SETD3: variants seen among roughly 807,000 people sequenced by gnomAD.
SETD3 encodes the protein SET domain containing 3, actin N3(tau)-histidine methyltransferase.
A neutral mutation model predicts 63.0 loss-of-function variants in SETD3; 19 were observed. The observed-to-expected ratio is 0.30, with a 90% CI of 0.21 to 0.44. The LOEUF (loss-of-function observed/expected upper bound fraction) is 0.44. Ranked by LOEUF, SETD3 falls within the 20% of genes least tolerant of loss-of-function variation. The pLI is 1.00. For missense variants in SETD3, 587 were observed against 728.5 expected, an observed-to-expected ratio of 0.81 and a Z score of 2.24; for synonymous variants, 286 against 264.1, an observed-to-expected ratio of 1.08 and a Z score of -0.80.
intron 6 of SETD3, among the ~76,000 whole-genome samples, chr14:99,439,218 G>A (rs1381120731): frequency 6.6e-6 from 1 of 152,216 alleles, no homozygotes; most frequent in Non-Finnish European, 1.5e-5. Context: ...CTCCAGGGCT[G>A]TGCCCTCTGA....
At chr14:99,414,175 G>A (rs1178512078) in intron 6 of SETD3, among the ~76,000 whole-genome samples, 1 of 152,218 alleles carries the variant, frequency 6.6e-6, no homozygotes, top group Admixed American at 6.5e-5. Context: ...TTCGATACTA[G>A]CACCCACAGA....
intron 1 of SETD3, among the ~76,000 whole-genome samples, chr14:99,467,130 C>T (rs1895430726): frequency 6.6e-6 from 1 of 152,128 alleles, no homozygotes; most frequent in Non-Finnish European, 1.5e-5. Context: ...AACAGGCTAA[C>T]GTGTGTATCT....
At chr14:99,407,700 G>A (rs1891760479) in intron 8 of SETD3, among the ~76,000 whole-genome samples, 1 of 152,098 alleles carries the variant, frequency 6.6e-6, no homozygotes, top group Non-Finnish European at 1.5e-5. Flanking sequence ...GTTGTGGCCT[G>A]GCTTCTCAGG....
intron 6 of SETD3, among the ~76,000 whole-genome samples, chr14:99,422,389 A>G (rs990113921): frequency 1.1e-4 from 16 of 152,186 alleles, no homozygotes; most frequent in Non-Finnish European, 2.4e-4. Flanking sequence ...TTATACTAGC[A>G]TTATCTTTTT....
chr14:99,473,104 A>T (rs960881826), intron 1 of SETD3, among the ~76,000 whole-genome samples: 2 of 152,214 alleles, frequency 1.3e-5, no homozygotes, highest in African/African-American at 2.4e-5. Context: ...GACAAGACAC[A>T]CTTTAGAAGA....
In SETD3 at chr14:99,398,428, A is replaced by G; in HGVS notation, c.*251T>C. ...ACAATAGGTCTGCAAAATCTCCCAC[A>G]GGCACCTCTTCTCCCTTTCTTGTGG... On this transcript the variant is annotated 3_prime_UTR_variant, in exon 13 of 13. Coordinates refer to ENST00000331768, the MANE Select transcript of SETD3 (RefSeq NM_032233.3). 4.2e-6 allele frequency: 2 copies of G among 474,506 alleles called. No individual in the cohort carries two copies. The highest frequency in any genetic ancestry group is 3.0e-5 in the South Asian group (1 of 33,176). 29.4% of individuals were successfully genotyped at this position (474,506 alleles called of 1,614,324 possible).
chr14:99,483,237 G>A (rs921440896), upstream of SETD3, among the ~76,000 whole-genome samples: 1 of 152,120 alleles, frequency 6.6e-6, no homozygotes, highest in Non-Finnish European at 1.5e-5. Flanking sequence ...CCTGAAGCCA[G>A]CAGAGCTTCA....
chr14:99,445,049 C>T (rs1894054939), intron 6 of SETD3, among the ~76,000 whole-genome samples: 1 of 152,158 alleles, frequency 6.6e-6, no homozygotes, highest in Non-Finnish European at 1.5e-5. Context: ...AAACAGTGTT[C>T]AGGCCATATC....
chr14:99,478,361 C>A (rs1183624763), intron 1 of SETD3, among the ~76,000 whole-genome samples: 3 of 152,220 alleles, frequency 2.0e-5, no homozygotes, highest in Non-Finnish European at 2.9e-5. Flanking sequence ...CCACCCTCAA[C>A]AGAAGCACAA....
intron 12 of SETD3, 84 bp from the exon 13 acceptor site, chr14:99,399,209 G>A (rs1207528026): frequency 2.4e-6 from 3 of 1,242,310 alleles, no homozygotes; most frequent in Non-Finnish European, 3.4e-6. Context: ...TGGGGATGGG[G>A]ACATGAGGGA....
At chr14:99,475,903 T>G (rs1489460605) in intron 1 of SETD3, among the ~76,000 whole-genome samples, 1 of 152,218 alleles carries the variant, frequency 6.6e-6, no homozygotes, top group Non-Finnish European at 1.5e-5. Flanking sequence ...AAGCCTTTCG[T>G]GATCTTCAGC....
At chr14:99,409,638 G>A (rs1331027541) in intron 8 of SETD3, among the ~76,000 whole-genome samples, 5 of 151,538 alleles carry the variant, frequency 3.3e-5, no homozygotes, top group African/African-American at 4.9e-5. Context: ...CCCTAAGATG[G>A]AAACAGAGTG....
At chr14:99,412,517 G>C (rs1314845346) in intron 8 of SETD3, 1 of 156,082 alleles carries the variant, frequency 6.4e-6, no homozygotes. Context: ...GTACAGAACT[G>C]GAAACAGAGT....
At chr14:99,462,104 T>C (rs1895098465) in intron 3 of SETD3, among the ~76,000 whole-genome samples, 1 of 152,138 alleles carries the variant, frequency 6.6e-6, no homozygotes, top group Non-Finnish European at 1.5e-5. Flanking sequence ...TTTTATTTCT[T>C]AAAAACAAAT....
At chr14:99,447,514 A>G (rs1466577620) in intron 6 of SETD3, among the ~76,000 whole-genome samples, 3 of 152,256 alleles carry the variant, frequency 2.0e-5, no homozygotes, top group Admixed American at 1.3e-4. Context: ...AACCTTAAAT[A>G]GCACACAACG....
intron 6 of SETD3, 55 bp downstream of exon 6, chr14:99,458,224 C>A: frequency 6.5e-7 from 1 of 1,546,310 alleles, no homozygotes; most frequent in South Asian, 1.2e-5. Context: ...GGACTCAATT[C>A]CTCTTTCCTC....
chr14:99,477,533 T>C (rs1316290043), intron 1 of SETD3, among the ~76,000 whole-genome samples: 2 of 152,036 alleles, frequency 1.3e-5, no homozygotes, highest in African/African-American at 2.4e-5. Flanking sequence ...GGTGGGCGGA[T>C]CATCTCAGGT....
At chr14:99,435,744 C>CTT (rs60698845) in intron 6 of SETD3, among the ~76,000 whole-genome samples, 1 of 130,862 alleles carries the variant, frequency 7.6e-6, no homozygotes, top group African/African-American at 3.0e-5. Context: ...ACCCCCCCAC[C>CTT]TTTTTTTTTT....
chr14:99,459,095 G>A lies in SETD3; in HGVS notation c.418+18C>T, dbSNP rs773606144. 9 of 1,591,324 alleles carry A rather than the reference G, an allele frequency of 5.7e-6. No individual in the cohort carries two copies. In the South Asian group the frequency reaches 1.0e-4, roughly 18 times the overall value. ...TGTCATTTGTGCTTTGCCTTGAAGAGTCAGAAATTATTCTCACCCAACACT... is the reference window on the plus strand; with the variant it reads ...TGTCATTTGTGCTTTGCCTTGAAGAATCAGAAATTATTCTCACCCAACACT... On this transcript the variant is annotated intron_variant, in intron 5 of 12. Coordinates refer to ENST00000331768, the MANE Select transcript of SETD3 (RefSeq NM_032233.3).
Sources: allele counts gnomAD v4.1 joint callset (sites outside exome capture counted in the v4.1 genomes callset), GRCh38; gene constraint gnomAD v4.1.1; transcripts MANE v1.5; gene names NCBI Gene and HGNC (gene_info 2026-07-23, HGNC 2026-07-21).